The following CLSTN2 variants were observed in gnomAD, a reference collection of about 807,000 sequenced individuals.
CLSTN2 encodes the protein calsyntenin 2, also known as calsyntenin-2.
In CLSTN2, 48 loss-of-function variants were observed where a neutral mutation model predicts 101.2. The observed-to-expected ratio is 0.47, with a 90% CI of 0.38 to 0.60. The LOEUF (loss-of-function observed/expected upper bound fraction) is 0.60. CLSTN2 is among the 20% of genes least tolerant of loss of function. The probability of loss-of-function intolerance (pLI) is 0.00; values close to 1 mark genes in which losing one functional copy is unlikely to be tolerated. For synonymous variants in CLSTN2, 481 were observed against 463.6 expected (o/e 1.04, Z -0.48); for missense variants, 1,160 against 1,238.2 (o/e 0.94, Z 0.95).
intron 6 of CLSTN2, among the ~76,000 whole-genome samples, chr3:140,458,426 C>T (rs1933470354): frequency 6.6e-6 from 1 of 152,152 alleles, no homozygotes; most frequent in African/African-American, 2.4e-5. Context: ...TCCTGGCCCT[C>T]CTTCCCGTAG....
intron 1 of CLSTN2, among the ~76,000 whole-genome samples, chr3:140,111,889 C>A (rs1042071112): frequency 1.4e-4 from 21 of 152,160 alleles, no homozygotes; most frequent in African/African-American, 4.8e-4. Context: ...ACTCACTTTA[C>A]AGATGATGAA....
At chr3:140,072,406 A>G (rs974757953) in intron 1 of CLSTN2, among the ~76,000 whole-genome samples, 1 of 152,224 alleles carries the variant, frequency 6.6e-6, no homozygotes, top group Non-Finnish European at 1.5e-5. Context: ...TAGTTCTTCT[A>G]TAAATCAAAA....
At chr3:140,004,049 C>A (rs189663045) in intron 1 of CLSTN2, among the ~76,000 whole-genome samples, 65 of 152,248 alleles carry the variant, frequency 4.3e-4, no homozygotes, top group African/African-American at 1.5e-3. Flanking sequence ...CAAGAGAAGG[C>A]TCTCCATTTC....
At chr3:140,334,826 T>C (rs2087424514) in intron 2 of CLSTN2, among the ~76,000 whole-genome samples, 2 of 152,138 alleles carry the variant, frequency 1.3e-5, no homozygotes, top group South Asian at 2.1e-4. Flanking sequence ...TGGGAGTCAA[T>C]GGGCAATCAG....
At chr3:140,383,103 CTG>C (rs1206391968) in intron 2 of CLSTN2, among the ~76,000 whole-genome samples, 1 of 152,112 alleles carries the variant, frequency 6.6e-6, no homozygotes, top group Admixed American at 6.5e-5. Context: ...CACATACACT[CTG>C]TGAGGATAGT....
intron 1 of CLSTN2, among the ~76,000 whole-genome samples, chr3:140,040,317 A>G (rs1203743816): frequency 2.0e-5 from 3 of 152,164 alleles, no homozygotes; most frequent in Admixed American, 1.3e-4. Flanking sequence ...ACACATCACT[A>G]AAGTTTTAGT....
chr3:140,371,568 G>C (rs1346261012), intron 2 of CLSTN2, among the ~76,000 whole-genome samples: 2 of 152,216 alleles, frequency 1.3e-5, no homozygotes, highest in Admixed American at 1.3e-4. Context: ...GGGCATGTTG[G>C]GTCTCAGTCC....
chr3:140,173,063 A>G (rs1255066197), intron 1 of CLSTN2, among the ~76,000 whole-genome samples: 1 of 152,216 alleles, frequency 6.6e-6, no homozygotes, highest in East Asian at 1.9e-4. Flanking sequence ...AGCATTAATC[A>G]AAAGTCCACA....
chr3:140,191,133 T>C (rs2010560843), intron 2 of CLSTN2, among the ~76,000 whole-genome samples: 1 of 152,066 alleles, frequency 6.6e-6, no homozygotes, highest in Non-Finnish European at 1.5e-5. Context: ...TATAAATGGG[T>C]GTTGATTTTG....
intron 2 of CLSTN2, among the ~76,000 whole-genome samples, chr3:140,268,616 T>C (rs2086715970): frequency 6.6e-6 from 1 of 152,150 alleles, no homozygotes; most frequent in Non-Finnish European, 1.5e-5. Flanking sequence ...GAGGTGTCAT[T>C]GTGCAAATTA....
chr3:140,253,778 T>A (rs939791237), intron 2 of CLSTN2, among the ~76,000 whole-genome samples: 6 of 152,130 alleles, frequency 3.9e-5, no homozygotes, highest in African/African-American at 1.2e-4. Context: ...TTTTTATTTT[T>A]TTTTTCTCTT....
chr3:140,185,918 A>G (rs1015719147), intron 2 of CLSTN2, among the ~76,000 whole-genome samples: 1 of 152,174 alleles, frequency 6.6e-6, no homozygotes, highest in Non-Finnish European at 1.5e-5. Context: ...CCACAAAATC[A>G]TCTTTGTTGT....
intron 4 of CLSTN2, among the ~76,000 whole-genome samples, chr3:140,418,731 T>A (rs1381406336): frequency 1.3e-5 from 2 of 152,096 alleles, no homozygotes; most frequent in African/African-American, 4.8e-5. Flanking sequence ...TTGGTCACGC[T>A]GGTCTCGAAC....
chr3:140,254,561 T>C (rs1424901051), intron 2 of CLSTN2, among the ~76,000 whole-genome samples: 1 of 152,174 alleles, frequency 6.6e-6, no homozygotes, highest in East Asian at 1.9e-4. Flanking sequence ...CTCTGTCATC[T>C]CTGTTAATGA....
intron 2 of CLSTN2, among the ~76,000 whole-genome samples, chr3:140,220,752 G>C (rs999631227): frequency 6.6e-6 from 1 of 152,230 alleles, no homozygotes; most frequent in Non-Finnish European, 1.5e-5. Flanking sequence ...AGAAAGAACA[G>C]AACAAGACTG....
intron 5 of CLSTN2, among the ~76,000 whole-genome samples, chr3:140,429,586 G>A (rs1393485614): frequency 6.6e-6 from 1 of 152,094 alleles, no homozygotes; most frequent in Non-Finnish European, 1.5e-5. Flanking sequence ...TGAGGACAGG[G>A]GACCACAGAG....
intron 2 of CLSTN2, among the ~76,000 whole-genome samples, chr3:140,313,221 T>A (rs913776021): frequency 1.3e-5 from 2 of 152,168 alleles, no homozygotes; most frequent in African/African-American, 4.8e-5. Flanking sequence ...CCCCTCCCCA[T>A]GTCAGATGTC....
intron 8 of CLSTN2, among the ~76,000 whole-genome samples, chr3:140,513,238 G>A (rs1191301163): frequency 1.3e-5 from 2 of 152,174 alleles, no homozygotes; most frequent in African/African-American, 2.4e-5. Flanking sequence ...GATATTGGCT[G>A]TGTGTTTGTC....
chr3:140,286,807 G>A (rs1474087220), intron 2 of CLSTN2, among the ~76,000 whole-genome samples: 1 of 152,200 alleles, frequency 6.6e-6, no homozygotes, highest in East Asian at 1.9e-4. Flanking sequence ...GAGTAGTGGG[G>A]TCCTGGAAGA....
Sources: allele counts gnomAD v4.1 joint callset (sites outside exome capture counted in the v4.1 genomes callset), GRCh38; gene constraint gnomAD v4.1.1; transcripts MANE v1.5; gene names NCBI Gene and HGNC (gene_info 2026-07-23, HGNC 2026-07-21).